The following SMOC2 variants were observed in gnomAD, a reference collection of about 807,000 sequenced individuals.
SMOC2 encodes SPARC-related modular calcium-binding protein 2.
In SMOC2, 39 loss-of-function variants were observed where a neutral mutation model predicts 61.4. The observed-to-expected ratio is 0.64, with a 90% CI of 0.49 to 0.83. The LOEUF is 0.83. Among genes scored for constraint, SMOC2 ranks in the 40% least tolerant of loss-of-function variants. The pLI, the probability that SMOC2 is intolerant of heterozygous loss-of-function variation, is 0.00. For missense variants in SMOC2, 556 were observed against 592.9 expected, an observed-to-expected ratio of 0.94 and a Z score of 0.65; for synonymous variants, 247 against 239.9, an observed-to-expected ratio of 1.03 and a Z score of -0.27.
At chr6:168,627,863 C>G (rs1207746429) in intron 9 of SMOC2, among the ~76,000 whole-genome samples, 1 of 152,220 alleles carries the variant, frequency 6.6e-6, no homozygotes, top group Non-Finnish European at 1.5e-5. Context: ...TTCTGCCAAG[C>G]CCAGCTAAGC....
chr6:168,525,187 A>G (rs1037737167), intron 2 of SMOC2, among the ~76,000 whole-genome samples: 4 of 152,264 alleles, frequency 2.6e-5, no homozygotes, highest in African/African-American at 9.6e-5. Flanking sequence ...GGTCCCAAGA[A>G]GTAAAGCATG....
intron 1 of SMOC2, among the ~76,000 whole-genome samples, chr6:168,442,363 G>C (rs1026525103): frequency 2.6e-5 from 4 of 152,256 alleles, no homozygotes; most frequent in African/African-American, 9.6e-5. Context: ...ATGTAGAGGG[G>C]GCTGAGCCAA....
Position 168,543,597 on chromosome 6 carries a change from C to A in SMOC2, c.464-28C>A, listed in dbSNP as rs755651614. 1.8e-5 allele frequency: 29 copies of A among 1,605,634 alleles called. No individual in the cohort carries two copies. In the African/African-American group the frequency reaches 3.7e-4, roughly 21 times the overall value. On this transcript the variant is annotated intron_variant, in intron 4 of 12. Transcript: ENST00000356284. ...GCCATTTAAGAGTCCAAAATAATTTCATTTCACTCCTTATTTTCCTCTTTT... is the reference window on the plus strand; with the variant it reads ...GCCATTTAAGAGTCCAAAATAATTTAATTTCACTCCTTATTTTCCTCTTTT...
chr6:168,487,608 G>C (rs933737644), intron 1 of SMOC2, among the ~76,000 whole-genome samples: 1 of 152,168 alleles, frequency 6.6e-6, no homozygotes, highest in South Asian at 2.1e-4. Context: ...GGATTGAAGC[G>C]ATTCTACTGC....
intron 2 of SMOC2, among the ~76,000 whole-genome samples, chr6:168,517,691 G>A (rs1483902969): frequency 1.3e-5 from 2 of 152,212 alleles, no homozygotes; most frequent in African/African-American, 4.8e-5. Context: ...TGGCCCCTGC[G>A]GCTCGCAGCT....
chr6:168,639,269 G>A (rs1786828495), intron 9 of SMOC2, among the ~76,000 whole-genome samples: 1 of 152,228 alleles, frequency 6.6e-6, no homozygotes, highest in African/African-American at 2.4e-5. Flanking sequence ...CAGACCTTCT[G>A]TTTCTGTAGG....
chr6:168,468,856 AAGCTCAT>A (rs1781905242), intron 1 of SMOC2, among the ~76,000 whole-genome samples: 1 of 152,184 alleles, frequency 6.6e-6, no homozygotes, highest in African/African-American at 2.4e-5. Flanking sequence ...TTTATTTGTA[AAGCTCAT>A]TTCTGCAACT....
At chr6:168,472,670 T>C (rs918832720) in intron 1 of SMOC2, among the ~76,000 whole-genome samples, 2 of 152,266 alleles carry the variant, frequency 1.3e-5, no homozygotes, top group Non-Finnish European at 2.9e-5. Context: ...ACATCTTGAG[T>C]CTTTAGTAAA....
chr6:168,657,609 A>T (rs1787360380), intron 11 of SMOC2, among the ~76,000 whole-genome samples: 1 of 152,124 alleles, frequency 6.6e-6, no homozygotes, highest in Non-Finnish European at 1.5e-5. Flanking sequence ...ACTGTGTCTT[A>T]GTCCATTTTG....
intron 1 of SMOC2, among the ~76,000 whole-genome samples, chr6:168,450,676 T>A (rs992483239): frequency 1.3e-5 from 2 of 152,198 alleles, no homozygotes; most frequent in Non-Finnish European, 2.9e-5. Context: ...CCTGACACTT[T>A]CAGTTCCTTT....
intron 2 of SMOC2, among the ~76,000 whole-genome samples, chr6:168,518,755 G>T (rs1783223216): frequency 6.6e-6 from 1 of 151,546 alleles, no homozygotes; most frequent in Non-Finnish European, 1.5e-5. Flanking sequence ...GTGCATGTGT[G>T]TGTGTTCATG....
At chr6:168,487,263 A>T (rs1460355953) in intron 1 of SMOC2, among the ~76,000 whole-genome samples, 1 of 152,178 alleles carries the variant, frequency 6.6e-6, no homozygotes, top group Non-Finnish European at 1.5e-5. Flanking sequence ...GGAAAGCTCC[A>T]ACTTAAATAA....
At chr6:168,534,669 GA>G (rs1450458462) in intron 4 of SMOC2, among the ~76,000 whole-genome samples, 41 of 152,176 alleles carry the variant, frequency 2.7e-4, no homozygotes, top group African/African-American at 8.9e-4. Flanking sequence ...TTAACCTCAG[GA>G]AAAAGTACTT....
At chr6:168,577,890 A>G (rs565531648) in intron 7 of SMOC2, among the ~76,000 whole-genome samples, 2 of 152,296 alleles carry the variant, frequency 1.3e-5, no homozygotes, top group African/African-American at 2.4e-5. Flanking sequence ...CTTGATCACA[A>G]CTGATCCCAC....
intron 9 of SMOC2, among the ~76,000 whole-genome samples, chr6:168,628,932 G>A (rs1032554043): frequency 2.0e-5 from 3 of 152,258 alleles, no homozygotes; most frequent in African/African-American, 4.8e-5. Flanking sequence ...AGGGCAGTCC[G>A]GTCCCTGAGA....
intron 7 of SMOC2, among the ~76,000 whole-genome samples, chr6:168,554,120 C>T (rs1171339222): frequency 6.6e-6 from 1 of 152,068 alleles, no homozygotes; most frequent in Non-Finnish European, 1.5e-5. Flanking sequence ...TTAAAACTCA[C>T]CTTTGAACTG....
At position 168,556,795 on chromosome 6, in the gene SMOC2, A is replaced by G. The variant is rs9456184; in HGVS notation, c.637+7592A>G. 2.5e-3 allele frequency among the ~76,000 whole-genome samples: 290 copies of G among 116,562 alleles called. 2 individuals carry two copies. Among genetic ancestry groups the G allele is most frequent in the African/African-American group, 9.1e-3 (268 of 29,486 alleles). The allele number at this position is 116,562 out of a possible 152,430, so 76.5% of individuals were successfully genotyped here. ...GTGTGATATTCCCCTTCCTGTGTCC[A>G]TGTGTTCTCATTGTTCTGTTAGGTT... On this transcript the variant is annotated intron_variant, in intron 7 of 12. Transcript: ENST00000356284.
At chr6:168,650,417 G>A (rs1451133683) in intron 9 of SMOC2, among the ~76,000 whole-genome samples, 5 of 152,180 alleles carry the variant, frequency 3.3e-5, no homozygotes, top group African/African-American at 4.8e-5. Flanking sequence ...GCCCACCTCC[G>A]ATTGCAGTTC....
At chr6:168,576,908 C>G (rs900937055) in intron 7 of SMOC2, among the ~76,000 whole-genome samples, 1 of 152,116 alleles carries the variant, frequency 6.6e-6, no homozygotes, top group East Asian at 1.9e-4. Context: ...AGATTTTTCC[C>G]CTCAAGCACG....
Sources: gnomAD v4.1 joint callset for allele counts (sites outside exome capture counted in the v4.1 genomes callset) on GRCh38, gnomAD v4.1.1 for gene constraint, MANE v1.5 for transcripts, NCBI Gene and HGNC (gene_info 2026-07-23, HGNC 2026-07-21) for gene names.